The following WIF1 variants were observed in gnomAD, a reference collection of about 807,000 sequenced individuals.
WIF1 encodes Wnt inhibitory factor 1.
Under a neutral mutation model 53.5 loss-of-function variants are expected in WIF1, and 35 were observed. The observed-to-expected ratio is 0.65, with a 90% CI of 0.50 to 0.87. The LOEUF (loss-of-function observed/expected upper bound fraction) is 0.87. WIF1 is among the 40% of genes least tolerant of loss of function. WIF1 has a pLI of 0.00. For synonymous variants in WIF1, 171 were observed against 170.4 expected (o/e 1.00, Z -0.03); for missense variants, 467 against 476.8 (o/e 0.98, Z 0.19).
intron 2 of WIF1, among the ~76,000 whole-genome samples, chr12:65,112,078 T>A (rs951498191): frequency 6.6e-6 from 1 of 152,210 alleles, no homozygotes; most frequent in African/African-American, 2.4e-5. Flanking sequence ...GTGCTAATAG[T>A]AAGTTTTAAA....
chr12:65,092,479 T>C (rs1883138218), intron 2 of WIF1, among the ~76,000 whole-genome samples: 1 of 105,974 alleles, frequency 9.4e-6, no homozygotes. Flanking sequence ...TGTGTGTGTG[T>C]GTATATATAT....
At chr12:65,112,146 C>A (rs575994132) in intron 2 of WIF1, among the ~76,000 whole-genome samples, 1 of 152,228 alleles carries the variant, frequency 6.6e-6, no homozygotes, top group Admixed American at 6.5e-5. Flanking sequence ...TTCCAGTGTT[C>A]AGCTTCTCAT....
chr12:65,118,528 TG>T lies in WIF1; in HGVS notation c.288+1888del, dbSNP rs545104875. Among the ~76,000 whole-genome samples, 9 of 152,326 alleles carry T rather than the reference TG, an allele frequency of 5.9e-5. No individual in the cohort carries two copies. The South Asian group carries it at 6.2e-4, about 11-fold the overall frequency. ...TTGTGGTAACCTATTCAAAGCCGAA[TG>T]AGTAGAGAGAGAAAGGTAGCTTAAT... On this transcript the variant is annotated intron_variant, in intron 2 of 9. Coordinates refer to ENST00000286574, the MANE Select transcript of WIF1 (RefSeq NM_007191.5).
chr12:65,113,690 C>T (rs1461733402), intron 2 of WIF1, among the ~76,000 whole-genome samples: 5 of 152,116 alleles, frequency 3.3e-5, no homozygotes, highest in Non-Finnish European at 7.4e-5. Flanking sequence ...GCCTGCTTTG[C>T]TAAATGAAAT....
intron 3 of WIF1, among the ~76,000 whole-genome samples, chr12:65,071,834 T>C (rs2034262): frequency 0.17 from 26,620 of 152,194 alleles, 2,932 homozygotes; most frequent in Non-Finnish European, 0.25. Flanking sequence ...ACCTAGCTTA[T>C]AATTTCAATG....
At chr12:65,101,802 A>G (rs1883286031) in intron 2 of WIF1, among the ~76,000 whole-genome samples, 1 of 152,186 alleles carries the variant, frequency 6.6e-6, no homozygotes, top group South Asian at 2.1e-4. Flanking sequence ...GCTGGGAGAC[A>G]GGTCTCCTGA....
rs564235371 is a variant in WIF1, at chr12:65,086,082, G to A, written c.289-8228C>T. ...TTTACTTTTATTTTTTGAGGAAGGG[G>A]TGACAGAAAAGTAGAAAAGCAAAGC... is the stretch of plus-strand genomic sequence containing the variant. On this transcript the variant is annotated intron_variant, in intron 2 of 9. Coordinates refer to ENST00000286574, the MANE Select transcript of WIF1 (RefSeq NM_007191.5). 1.6e-3 allele frequency among the ~76,000 whole-genome samples: 245 copies of A among 151,864 alleles called. 1 individual carries two copies. The highest frequency in any genetic ancestry group is 5.2e-3 in the African/African-American group (217 of 41,406).
rs763786721 is a variant in WIF1, at chr12:65,077,861, C to T, written c.289-7G>A. 2 of 1,605,636 alleles carry T rather than the reference C, an allele frequency of 1.2e-6. No homozygotes were observed. Among genetic ancestry groups the T allele is most frequent in the East Asian group, 2.2e-5 (1 of 44,736 alleles). Reference sequence around the variant, plus strand: ...ATTCATAGAAGTATTCTGCCTACAACCAAAGGCACTGACAGTTAGTAACAT... The same window carrying T: ...ATTCATAGAAGTATTCTGCCTACAATCAAAGGCACTGACAGTTAGTAACAT... On this transcript the variant is annotated splice_region_variant and splice_polypyrimidine_tract_variant and intron_variant, in intron 2 of 9. Coordinates refer to ENST00000286574, the MANE Select transcript of WIF1 (RefSeq NM_007191.5).
chr12:65,063,149 C>T (rs918742007), intron 6 of WIF1, among the ~76,000 whole-genome samples: 1 of 152,120 alleles, frequency 6.6e-6, no homozygotes, highest in Non-Finnish European at 1.5e-5. Context: ...CAGGTGAGAT[C>T]CCATAGGTAG....
At chr12:65,058,036 T>C (rs1882555441) in intron 7 of WIF1, among the ~76,000 whole-genome samples, 1 of 152,026 alleles carries the variant, frequency 6.6e-6, no homozygotes, top group South Asian at 2.1e-4. Flanking sequence ...CAGAAACAAG[T>C]ATGAAAACAA....
At chr12:65,085,503 A>G (rs1883023989) in intron 2 of WIF1, among the ~76,000 whole-genome samples, 1 of 152,234 alleles carries the variant, frequency 6.6e-6, no homozygotes, top group Non-Finnish European at 1.5e-5. Flanking sequence ...AACCTATATC[A>G]ACAATGACTA....
At chr12:65,089,928 G>A (rs1883098244) in intron 2 of WIF1, among the ~76,000 whole-genome samples, 1 of 136,390 alleles carries the variant, frequency 7.3e-6, no homozygotes, top group Admixed American at 7.7e-5. Context: ...ATTTGAATCT[G>A]CAGTGACTAA....
chr12:65,110,220 C>G (rs1883409503), intron 2 of WIF1, among the ~76,000 whole-genome samples: 1 of 152,034 alleles, frequency 6.6e-6, no homozygotes, highest in African/African-American at 2.4e-5. Context: ...ACCACATGTC[C>G]AGCCTCATGT....
At position 65,092,290 on chromosome 12, in the gene WIF1, T is replaced by TG. The variant is rs1271042694; in HGVS notation, c.289-14437dup. 5.3e-5 allele frequency among the ~76,000 whole-genome samples: 7 copies of TG among 131,134 alleles called. No individual in the cohort carries two copies. The Admixed American group carries it at 5.5e-4, about 10-fold the overall frequency. The allele number at this position is 131,134 out of a possible 152,430, so 86.0% of individuals were successfully genotyped here. A position where few individuals can be genotyped will look rare whatever the true frequency, so the allele number is the denominator to read the frequency against. ...TCACACACCGGGGCTTGTCAGGGGG[T>TG]GGGGGGCTAGGGGAAGGATAGCATT... On this transcript the variant is annotated intron_variant, in intron 2 of 9. Coordinates refer to ENST00000286574, the MANE Select transcript of WIF1 (RefSeq NM_007191.5).
At chr12:65,094,849 G>A (rs1469179558) in intron 2 of WIF1, among the ~76,000 whole-genome samples, 1 of 151,656 alleles carries the variant, frequency 6.6e-6, no homozygotes, top group African/African-American at 2.4e-5. Context: ...ACCTTAGTGA[G>A]TTTTGTTACC....
chr12:65,120,636 C>T lies in WIF1; in HGVS notation c.149-80G>A. 3.3e-6 allele frequency: 5 copies of T among 1,507,674 alleles called. No homozygotes were observed. The South Asian group carries it at 6.5e-5, about 20-fold the overall frequency. The allele number at this position is 1,507,674 out of a possible 1,614,324, so 93.4% of individuals were successfully genotyped here. On this transcript the variant is annotated intron_variant, in intron 1 of 9. Transcript: ENST00000286574. ...TCAGAAGTTTCAAGCAAAAAGAAAA[C>T]CAAAGAATTAGTGTGGGTCATTTCT...
At position 65,077,738 on chromosome 12, in the gene WIF1, C is replaced by T. The variant is rs768792419; in HGVS notation, c.397+8G>A. The T allele has an allele frequency of 1.9e-6, 3 of 1,602,930 alleles. No individual in the cohort carries two copies. The highest frequency in any genetic ancestry group is 2.2e-5 in the South Asian group (2 of 90,626). Reference sequence around the variant, plus strand: ...GTGTAAACCTTTCTTCAGGCAAAGACCACCCACCTGATGCCTTGTGAGGCA... The same window carrying T: ...GTGTAAACCTTTCTTCAGGCAAAGATCACCCACCTGATGCCTTGTGAGGCA... On this transcript the variant is annotated splice_region_variant and intron_variant, in intron 3 of 9. Transcript: ENST00000286574.
intron 2 of WIF1, among the ~76,000 whole-genome samples, chr12:65,103,135 T>C (rs1007242541): frequency 1.3e-5 from 2 of 152,208 alleles, no homozygotes; most frequent in South Asian, 4.1e-4. Flanking sequence ...AAATCTTTTG[T>C]GCGTTATAGA....
Position 65,121,200 on chromosome 12 carries a change from G to C in WIF1, c.-9C>G. On this transcript the variant is annotated 5_prime_UTR_variant, in exon 1 of 10. Transcript: ENST00000286574. ...GCGCTCCTCCGGGCCATGCTGCTCA[G>C]GACCTCCTCGCTGCCGGGAAAACTC... The C allele has an allele frequency of 6.7e-7, 1 of 1,485,694 alleles. No homozygotes were observed. Among genetic ancestry groups the C allele is most frequent in the Non-Finnish European group, 9.0e-7 (1 of 1,113,304 alleles). The allele number at this position is 1,485,694 out of a possible 1,614,324, so 92.0% of individuals were successfully genotyped here. A position where few individuals can be genotyped will look rare whatever the true frequency, so the allele number is the denominator to read the frequency against.
Sources: allele counts gnomAD v4.1 joint callset (sites outside exome capture counted in the v4.1 genomes callset), GRCh38; gene constraint gnomAD v4.1.1; transcripts MANE v1.5; gene names NCBI Gene and HGNC (gene_info 2026-07-23, HGNC 2026-07-21).